TLL2: variants seen among roughly 807,000 people sequenced by gnomAD.
TLL2 encodes tolloid-like protein 2.
TLL2 carries 106 observed loss-of-function variants against 123.0 expected under a neutral mutation model. That is an observed-to-expected ratio of 0.86 (90% CI 0.74 to 1.01). The LOEUF is 1.01. Ranked by LOEUF, TLL2 falls within the 50% of genes least tolerant of loss-of-function variation. The probability of loss-of-function intolerance (pLI) is 0.00; values close to 1 mark genes in which losing one functional copy is unlikely to be tolerated. For synonymous variants in TLL2, 494 were observed against 516.8 expected (o/e 0.96, Z 0.60); for missense variants, 1,332 against 1,336.7 (o/e 1.00, Z 0.06).
intron 14 of TLL2, 21 bp from the exon 15 acceptor site, chr10:96,386,236 C>G (rs779569719): frequency 6.5e-7 from 1 of 1,540,016 alleles, no homozygotes. Context: ...GAAACAGAAA[C>G]AGGATTCATT....
At chr10:96,410,686 T>C (rs1171673532) in intron 8 of TLL2, 1 of 642,478 alleles carries the variant, frequency 1.6e-6, no homozygotes, top group African/African-American at 1.8e-5. Context: ...AGGAATTTCT[T>C]CTGAGGCTCT....
At position 96,416,377 on chromosome 10, in the gene TLL2, C is replaced by A. The variant is rs373906440; in HGVS notation, c.924-3061G>T. The stretch of plus-strand genomic sequence containing the variant: ...CATAGGACTTTCCGATGTGCCAGGC[C>A]CTGCACTGGGCACTTTCCTTGCACC... On this transcript the variant is annotated intron_variant, in intron 7 of 20. Transcript: ENST00000357947. 1.2e-4 allele frequency among the ~76,000 whole-genome samples: 18 copies of A among 151,872 alleles called. No homozygotes were observed. The East Asian group carries it at 2.9e-3, about 24-fold the overall frequency.
intron 9 of TLL2, among the ~76,000 whole-genome samples, chr10:96,407,184 C>A (rs553814844): frequency 2.2e-4 from 34 of 152,186 alleles, no homozygotes; most frequent in African/African-American, 7.2e-4. Flanking sequence ...CTTTCCACAC[C>A]CCCAGAGCCT....
chr10:96,414,334 C>T (rs947848058), intron 7 of TLL2, among the ~76,000 whole-genome samples: 1 of 152,154 alleles, frequency 6.6e-6, no homozygotes, highest in Non-Finnish European at 1.5e-5. Flanking sequence ...ACCTCTGATT[C>T]ACTTCTCAAT....
In TLL2 at chr10:96,405,258, C is replaced by G. The variant is rs755630754; in HGVS notation, c.1241G>C (p.Gly414Ala). The G allele has an allele frequency of 6.2e-7, 1 of 1,614,148 alleles. No homozygotes were observed. Among genetic ancestry groups the G allele is most frequent in the Admixed American group, 1.7e-5 (1 of 60,024 alleles). ...CWYDYVEVRD[G>A]YWRKAPLLGR... is the part of the protein sequence containing the mutation. Reference sequence around the variant, plus strand: ...CAAAAGGGGGGCTTTTCTCCAGTAACCATCCCGGACCTCCACGTAATCATA... The same window carrying G: ...CAAAAGGGGGGCTTTTCTCCAGTAAGCATCCCGGACCTCCACGTAATCATA... The change falls in exon 10 of 21, where the codon GGT (glycine) becomes GCT (alanine). Residue 414 changes from glycine (G) to alanine (A), a missense_variant. By Grantham distance (60) the Gly-to-Ala change is moderately conservative (BLOSUM62 0). Coordinates refer to ENST00000357947, the MANE Select transcript of TLL2 (RefSeq NM_012465.4).
At chr10:96,404,712 C>T (rs889716272) in intron 10 of TLL2, among the ~76,000 whole-genome samples, 5 of 152,114 alleles carry the variant, frequency 3.3e-5, no homozygotes, top group Admixed American at 3.3e-4. Flanking sequence ...TTTGCAATGC[C>T]TGCATTATAT....
intron 13 of TLL2, among the ~76,000 whole-genome samples, chr10:96,390,694 C>T (rs952062003): frequency 7.2e-5 from 11 of 152,242 alleles, no homozygotes; most frequent in African/African-American, 1.4e-4. Context: ...GTGCTAGGTA[C>T]GTTGTGTTCA....
Position 96,410,392 on chromosome 10 carries a change from G to T in TLL2, c.1131C>A (p.Cys377Ter). ...CTGGGGTGACCGAGATCCTCCAGAC[G>T]CAGTGGGAGTAAGATGGGTACCCAT... ...FPNGYPSYSH[C>*]VWRISVTPGE... The change falls in exon 9 of 21, where the codon TGC (cysteine) becomes TGA (stop). Residue 377 changes from cysteine (C) to a stop codon, truncating the protein, a stop_gained. Coordinates refer to ENST00000357947, the MANE Select transcript of TLL2 (RefSeq NM_012465.4). LOFTEE classifies it high-confidence loss of function. 6.2e-7 allele frequency: 1 copy of T among 1,613,734 alleles called. No homozygotes were observed. Among genetic ancestry groups the T allele is most frequent in the Non-Finnish European group, 8.5e-7 (1 of 1,180,002 alleles).
Position 96,384,729 on chromosome 10 carries a change from C to G in TLL2, c.2052G>C (p.Leu684=), listed in dbSNP as rs377330624. 1 of 1,609,360 alleles carries G rather than the reference C, an allele frequency of 6.2e-7. No homozygotes were observed. The change falls in exon 16 of 21, where the codon CTG becomes CTC. Residue 684 remains leucine, a synonymous_variant. Coordinates refer to ENST00000357947, the MANE Select transcript of TLL2 (RefSeq NM_012465.4). The part of the protein sequence containing the change: ...KYDFVEVRSG[L]SPDAKLHGRF... ...TGCCGTGCAGCTTGGCGTCGGGGGA[C>G]AGGCCGCTGCGCACCTCTACAAAGT...
At chr10:96,477,111 C>T (rs75210623) in intron 2 of TLL2, among the ~76,000 whole-genome samples, 170 of 140,516 alleles carry the variant, frequency 1.2e-3, no homozygotes, top group Middle Eastern at 8.1e-3. Flanking sequence ...CCCATTCTGA[C>T]GATAAAATAA....
intron 3 of TLL2, among the ~76,000 whole-genome samples, chr10:96,438,309 T>C (rs1047205604): frequency 2.0e-5 from 3 of 152,236 alleles, no homozygotes; most frequent in African/African-American, 7.2e-5. Context: ...TTAATTTTCA[T>C]CACACAAATC....
intron 10 of TLL2, among the ~76,000 whole-genome samples, chr10:96,403,226 T>TC (rs1483162165): frequency 6.6e-6 from 1 of 152,038 alleles, no homozygotes; most frequent in Non-Finnish European, 1.5e-5. Context: ...CAGCCACTGG[T>TC]CCTCTAGGCA....
Position 96,422,742 on chromosome 10 carries a change from G to T in TLL2, c.639-15C>A, listed in dbSNP as rs758089902. On this transcript the variant is annotated splice_polypyrimidine_tract_variant and intron_variant, in intron 5 of 20. Transcript: ENST00000357947. ...AGGAGCAACAGCTGGACAATTGCAGGAATACCCAGGTCAGCAGGTCAGAAG... is the reference window on the plus strand; with the variant it reads ...AGGAGCAACAGCTGGACAATTGCAGTAATACCCAGGTCAGCAGGTCAGAAG... The T allele has an allele frequency of 1.9e-6, 3 of 1,613,978 alleles. No individual in the cohort carries two copies. In the South Asian group the frequency reaches 3.3e-5, roughly 18 times the overall value.
At chr10:96,419,286 A>T (rs1307740714) in intron 7 of TLL2, among the ~76,000 whole-genome samples, 1 of 152,150 alleles carries the variant, frequency 6.6e-6, no homozygotes, top group Non-Finnish European at 1.5e-5. Flanking sequence ...GAGAAATTGC[A>T]ACTTGAAAGG....
At chr10:96,432,625 G>A (rs759765116) in intron 4 of TLL2, among the ~76,000 whole-genome samples, 182 bp downstream of exon 4, 21 of 152,200 alleles carry the variant, frequency 1.4e-4, no homozygotes, top group Non-Finnish European at 2.8e-4. Flanking sequence ...CTCCAACAGA[G>A]ACTGCAATTT....
chr10:96,476,259 TG>T (rs1847250998), intron 2 of TLL2, among the ~76,000 whole-genome samples: 3 of 135,938 alleles, frequency 2.2e-5, no homozygotes, highest in African/African-American at 8.2e-5. Context: ...TTGTTGTTGT[TG>T]TTGTTGTTGA....
At chr10:96,505,559 A>G (rs1239583742) in intron 1 of TLL2, among the ~76,000 whole-genome samples, 1 of 152,220 alleles carries the variant, frequency 6.6e-6, no homozygotes, top group African/African-American at 2.4e-5. Flanking sequence ...ATGTGGGTAG[A>G]TATTAGTAAC....
intron 6 of TLL2, 75 bp downstream of exon 6, chr10:96,422,474 C>T: frequency 6.4e-7 from 1 of 1,558,344 alleles, no homozygotes; most frequent in South Asian, 1.2e-5. Context: ...CAAGTCCCCT[C>T]CTTCCCTCCC....
intron 6 of TLL2, 72 bp from the exon 7 acceptor site, chr10:96,421,133 A>G: frequency 2.6e-6 from 3 of 1,173,698 alleles, no homozygotes; most frequent in Admixed American, 1.7e-5. Flanking sequence ...AGGAAGGAGA[A>G]GGAGGGCCCA....
Sources: allele counts gnomAD v4.1 joint callset (sites outside exome capture counted in the v4.1 genomes callset), GRCh38; gene constraint gnomAD v4.1.1; transcripts MANE v1.5; gene names NCBI Gene and HGNC (gene_info 2026-07-23, HGNC 2026-07-21).